GALNT17: variants seen among roughly 807,000 people sequenced by gnomAD.
The protein encoded by GALNT17 is UDP-GalNAc:polypeptide N-acetylgalactosaminyltransferase-like 3.
GALNT17 carries 29 observed loss-of-function variants against 63.7 expected under a neutral mutation model. That is an observed-to-expected ratio of 0.46 (90% CI 0.34 to 0.62). The LOEUF (loss-of-function observed/expected upper bound fraction) is 0.62. GALNT17 is among the 20% of genes least tolerant of loss of function. The pLI is 0.01. For synonymous variants in GALNT17, 305 were observed against 318.3 expected, an observed-to-expected ratio of 0.96 and a Z score of 0.45; for missense variants, 603 against 799.6, an observed-to-expected ratio of 0.75 and a Z score of 2.97.
intron 5 of GALNT17, among the ~76,000 whole-genome samples, chr7:71,488,462 C>T (rs1373908581): frequency 2.6e-5 from 4 of 152,066 alleles, no homozygotes; most frequent in African/African-American, 7.2e-5. Flanking sequence ...GAAACACAAC[C>T]TGGAGTGGAG....
chr7:71,667,308 A>T (rs1423830292), intron 7 of GALNT17, among the ~76,000 whole-genome samples: 6 of 151,716 alleles, frequency 4.0e-5, no homozygotes, highest in Non-Finnish European at 7.4e-5. Flanking sequence ...GAATTAAAAA[A>T]CCCCTTCTGG....
intron 5 of GALNT17, among the ~76,000 whole-genome samples, chr7:71,503,188 A>G (rs1319837344): frequency 6.6e-6 from 1 of 150,570 alleles, no homozygotes; most frequent in Non-Finnish European, 1.5e-5. Flanking sequence ...CTTTCTCCCT[A>G]GGCAATTCCC....
At chr7:71,255,371 C>A (rs557696322) in intron 1 of GALNT17, among the ~76,000 whole-genome samples, 1 of 152,214 alleles carries the variant, frequency 6.6e-6, no homozygotes, top group East Asian at 1.9e-4. Flanking sequence ...GTGAGATGTA[C>A]CTTTCACCTT....
intron 1 of GALNT17, among the ~76,000 whole-genome samples, chr7:71,288,665 T>C (rs73700675): frequency 0.074 from 11,280 of 152,126 alleles, 1,383 homozygotes; most frequent in African/African-American, 0.25. Context: ...TGCGTTTAGC[T>C]GGGTTCCTGG....
At chr7:71,615,218 A>G (rs1790183527) in intron 6 of GALNT17, among the ~76,000 whole-genome samples, 1 of 152,134 alleles carries the variant, frequency 6.6e-6, no homozygotes, top group Admixed American at 6.5e-5. Context: ...TGAACAGGCC[A>G]TTTGTCATAT....
At chr7:71,370,314 T>C (rs1792597845) in intron 2 of GALNT17, among the ~76,000 whole-genome samples, 1 of 152,150 alleles carries the variant, frequency 6.6e-6, no homozygotes, top group Non-Finnish European at 1.5e-5. Flanking sequence ...ATGTTTATTT[T>C]ATTTTAGTTT....
At position 71,524,243 on chromosome 7, in the gene GALNT17, TAATA is replaced by T. The variant is rs997853692; in HGVS notation, c.963-47040_963-47037del. On this transcript the variant is annotated intron_variant, in intron 5 of 10. Coordinates refer to ENST00000333538, the MANE Select transcript of GALNT17 (RefSeq NM_022479.3). ...TTATTATATTATATTATATATATAA[TAATA>T]ATATATATTATATTATATATAATTA... is the stretch of plus-strand genomic sequence containing the variant. Among the ~76,000 whole-genome samples the T allele has an allele frequency of 1.4e-4, 21 of 147,342 alleles. No individual in the cohort carries two copies. In the South Asian group the frequency reaches 3.6e-3, roughly 25 times the overall value.
intron 5 of GALNT17, among the ~76,000 whole-genome samples, chr7:71,492,378 T>C (rs1788026443): frequency 6.6e-6 from 1 of 152,198 alleles, no homozygotes; most frequent in African/African-American, 2.4e-5. Flanking sequence ...TGTGCCTGTT[T>C]TAGGTTCTCT....
intron 1 of GALNT17, among the ~76,000 whole-genome samples, chr7:71,160,761 G>A (rs1386697704): frequency 6.6e-6 from 1 of 152,072 alleles, no homozygotes; most frequent in Non-Finnish European, 1.5e-5. Context: ...GCACGGCCAC[G>A]AACATCTTTA....
chr7:71,272,169 A>G (rs907320338), intron 1 of GALNT17, among the ~76,000 whole-genome samples: 12 of 152,274 alleles, frequency 7.9e-5, no homozygotes, highest in Non-Finnish European at 1.5e-4. Context: ...ATTTTGATAC[A>G]TGCTATTCCA....
rs371371505 is a variant in GALNT17 at position 71,482,079 on chromosome 7, A to ATGTGTGTGTGTGTGTGTGTGTG, written c.962+60975_962+60976insGTGTGTGTGTGTGTGTGTGTGT. On this transcript the variant is annotated intron_variant, in intron 5 of 10. Coordinates refer to ENST00000333538, the MANE Select transcript of GALNT17 (RefSeq NM_022479.3). ...TTGATGTATAGGTATACATATATGTATATGTGTGTGTGTGTGTGTGTGTGT... is the reference window on the plus strand; with the variant it reads ...TTGATGTATAGGTATACATATATGTATGTGTGTGTGTGTGTGTGTGTGTATGTGTGTGTGTGTGTGTGTGTGT... Among the ~76,000 whole-genome samples the ATGTGTGTGTGTGTGTGTGTGTG allele has an allele frequency of 6.3e-4, 86 of 136,878 alleles. No homozygotes were observed. In the South Asian group the frequency reaches 8.2e-3, roughly 13 times the overall value. The allele number at this position is 136,878 out of a possible 152,430, so 89.8% of individuals were successfully genotyped here.
At chr7:71,678,011 TAGGC>T (rs1791179315) in intron 9 of GALNT17, among the ~76,000 whole-genome samples, 1 of 152,160 alleles carries the variant, frequency 6.6e-6, no homozygotes, top group African/African-American at 2.4e-5. Flanking sequence ...CTCTGGGAAG[TAGGC>T]AGGCAGCATG....
chr7:71,247,066 C>T (rs1307364225), intron 1 of GALNT17, among the ~76,000 whole-genome samples: 1 of 152,016 alleles, frequency 6.6e-6, no homozygotes, highest in Non-Finnish European at 1.5e-5. Flanking sequence ...TGAGCCACCA[C>T]GCCCAGCCTA....
At chr7:71,254,697 A>G (rs1471216979) in intron 1 of GALNT17, among the ~76,000 whole-genome samples, 3 of 152,106 alleles carry the variant, frequency 2.0e-5, no homozygotes, top group African/African-American at 4.8e-5. Context: ...GGGTCCATCA[A>G]TCAGTTGGGG....
chr7:71,577,146 G>C (rs949624980), intron 6 of GALNT17, among the ~76,000 whole-genome samples: 1 of 152,148 alleles, frequency 6.6e-6, no homozygotes, highest in East Asian at 1.9e-4. Flanking sequence ...TCACTTATAC[G>C]TGGGAACTAA....
chr7:71,233,075 A>C (rs1159177196), intron 1 of GALNT17, among the ~76,000 whole-genome samples: 1 of 152,166 alleles, frequency 6.6e-6, no homozygotes, highest in Non-Finnish European at 1.5e-5. Context: ...AGAGCTGAAG[A>C]AGGGCTTCTT....
chr7:71,392,378 A>T (rs1793066516), intron 3 of GALNT17, among the ~76,000 whole-genome samples: 1 of 152,176 alleles, frequency 6.6e-6, no homozygotes, highest in African/African-American at 2.4e-5. Flanking sequence ...CTCAGAGTTA[A>T]CTTGCTCCAA....
rs374890024 is a variant in GALNT17 at position 71,152,332 on chromosome 7, A to T, written c.238+19292A>T. Among the ~76,000 whole-genome samples, 190 of 152,320 alleles carry T rather than the reference A, an allele frequency of 1.2e-3. 2 individuals carry two copies. Among genetic ancestry groups the T allele is most frequent in the African/African-American group, 4.4e-3 (184 of 41,570 alleles). Reference sequence around the variant, plus strand: ...AAAACAAAAGCCAAAAAGTAGTTACAAATGGGTGGCTTGAATTAAACGCTT... The same window carrying T: ...AAAACAAAAGCCAAAAAGTAGTTACTAATGGGTGGCTTGAATTAAACGCTT... On this transcript the variant is annotated intron_variant, in intron 1 of 10. Transcript: ENST00000333538.
At position 71,181,903 on chromosome 7, in the gene GALNT17, C is replaced by T. The variant is rs558343742; in HGVS notation, c.238+48863C>T. ...TAAAAGGAAAAAAAAAAGGCTGGCG[C>T]GGTGGCTCATGCCTGTAGTCCCAGC... is the stretch of plus-strand genomic sequence containing the variant. On this transcript the variant is annotated intron_variant, in intron 1 of 10. Transcript: ENST00000333538. 6.6e-4 allele frequency among the ~76,000 whole-genome samples: 100 copies of T among 151,160 alleles called. 1 individual carries two copies. Among genetic ancestry groups the T allele is most frequent in the African/African-American group, 2.3e-3 (93 of 41,084 alleles).
Sources: allele counts gnomAD v4.1 joint callset (sites outside exome capture counted in the v4.1 genomes callset), GRCh38; gene constraint gnomAD v4.1.1; transcripts MANE v1.5; gene names NCBI Gene and HGNC (gene_info 2026-07-23, HGNC 2026-07-21).